Variants in ATP8A2 observed in about 807,000 individuals in gnomAD.
The protein encoded by ATP8A2 is phospholipid-transporting ATPase IB.
In ATP8A2, 100 loss-of-function variants were observed where a neutral mutation model predicts 165.6. That is an observed-to-expected ratio of 0.60 (90% CI 0.51 to 0.71). ATP8A2 has a LOEUF of 0.71. Among genes scored for constraint, ATP8A2 ranks in the 30% least tolerant of loss-of-function variants. The pLI is 0.00. For missense variants in ATP8A2, 1,227 were observed against 1,479.5 expected, an observed-to-expected ratio of 0.83 and a Z score of 2.80; for synonymous variants, 543 against 548.8, an observed-to-expected ratio of 0.99 and a Z score of 0.15.
intron 5 of ATP8A2, among the ~76,000 whole-genome samples, chr13:25,532,884 T>G (rs1211999267): frequency 1.3e-5 from 2 of 152,162 alleles, no homozygotes; most frequent in African/African-American, 4.8e-5. Context: ...CAGGCTAGCC[T>G]CAAACTTCTG....
At chr13:26,012,391 C>T (rs1956867435) in intron 35 of ATP8A2, 140 bp from the exon 36 acceptor site, 1 of 671,858 alleles carries the variant, frequency 1.5e-6, no homozygotes, top group Admixed American at 3.2e-5. Context: ...TGCTGGAAAT[C>T]ACGGGCCGCT....
At chr13:25,479,316 G>A (rs1053639843) in intron 2 of ATP8A2, among the ~76,000 whole-genome samples, 3 of 152,134 alleles carry the variant, frequency 2.0e-5, no homozygotes, top group African/African-American at 7.2e-5. Context: ...TATTTTGAAT[G>A]CTTTTGGCCG....
intron 2 of ATP8A2, among the ~76,000 whole-genome samples, chr13:25,516,239 T>G (rs1261521331): frequency 6.6e-6 from 1 of 152,102 alleles, no homozygotes; most frequent in African/African-American, 2.4e-5. Context: ...CCTTGGGAAG[T>G]GTCTTTTCTG....
rs116536927 is a variant in ATP8A2 at position 25,825,985 on chromosome 13, C to T, written c.2680-2133C>T. ...GTGATGGTCAAAGGGTACAAAGTCT[C>T]GGACAGGAGGAATAAGTTGTTTGGG... is the stretch of plus-strand genomic sequence containing the variant. On this transcript the variant is annotated intron_variant, in intron 27 of 36. Coordinates refer to ENST00000381655, the MANE Select transcript of ATP8A2 (RefSeq NM_016529.6). 1.4e-3 allele frequency among the ~76,000 whole-genome samples: 210 copies of T among 152,114 alleles called. 1 individual carries two copies. The highest frequency in any genetic ancestry group is 5.0e-3 in the African/African-American group (208 of 41,496).
chr13:25,815,295 A>G (rs1950984147), intron 27 of ATP8A2, among the ~76,000 whole-genome samples: 1 of 152,220 alleles, frequency 6.6e-6, no homozygotes, highest in African/African-American at 2.4e-5. Flanking sequence ...TTTGCAAATC[A>G]TATATCCGAT....
At chr13:25,504,310 T>G (rs2036952304) in intron 2 of ATP8A2, among the ~76,000 whole-genome samples, 1 of 152,298 alleles carries the variant, frequency 6.6e-6, no homozygotes, top group South Asian at 2.1e-4. Context: ...CTGATTGGTA[T>G]CCTATTATTT....
intron 1 of ATP8A2, among the ~76,000 whole-genome samples, chr13:25,430,004 C>T (rs55824554): frequency 0.024 from 3,604 of 152,214 alleles, 145 homozygotes; most frequent in African/African-American, 0.082. Context: ...TAGGAGCCAG[C>T]AATCACAGAG....
chr13:25,720,443 T>G (rs1327898091), intron 25 of ATP8A2, among the ~76,000 whole-genome samples: 1 of 152,172 alleles, frequency 6.6e-6, no homozygotes, highest in African/African-American at 2.4e-5. Flanking sequence ...ATTACAGGCA[T>G]GAGCCACTGC....
At chr13:25,735,088 T>A (rs1338691217) in intron 25 of ATP8A2, among the ~76,000 whole-genome samples, 1 of 152,210 alleles carries the variant, frequency 6.6e-6, no homozygotes, top group Non-Finnish European at 1.5e-5. Context: ...TTATTTAATA[T>A]GGTTCCATTC....
chr13:25,649,123 A>ACCTTTTCCAGCTT, intron 24 of ATP8A2: 1 of 450,672 alleles, frequency 2.2e-6, no homozygotes, highest in East Asian at 6.4e-5. Flanking sequence ...TGAGATAACA[A>ACCTTTTCCAGCTT]CCTTTTCCAG....
At chr13:25,392,624 C>T (rs1160126486) in intron 1 of ATP8A2, among the ~76,000 whole-genome samples, 1 of 152,134 alleles carries the variant, frequency 6.6e-6, no homozygotes, top group Non-Finnish European at 1.5e-5. Context: ...ATAAACTAGC[C>T]TTTTATAAAA....
At chr13:25,870,407 C>G (rs1319164378) in intron 33 of ATP8A2, among the ~76,000 whole-genome samples, 1 of 152,166 alleles carries the variant, frequency 6.6e-6, no homozygotes, top group Non-Finnish European at 1.5e-5. Flanking sequence ...GGGGTGGAGC[C>G]CTAGCCAGGG....
Position 26,012,607 on chromosome 13 carries a change from C to G in ATP8A2, c.3454C>G (p.Gln1152Glu). 6.7e-7 allele frequency: 1 copy of G among 1,498,650 alleles called. No homozygotes were observed. The highest frequency in any genetic ancestry group is 8.9e-7 in the Non-Finnish European group (1 of 1,124,260). The allele number at this position is 1,498,650 out of a possible 1,614,324, so 92.8% of individuals were successfully genotyped here. Residue 1152 changes from glutamine (Q) to glutamate (E), a missense_variant, in exon 36 of 37, where the codon CAG (glutamine) becomes GAG (glutamate). Gln to Glu is a conservative substitution (Grantham distance 29, BLOSUM62 2). This residue lies in a region of ATP8A2 where 260 missense variants were observed against 245.1 expected (regional missense o/e 1.06). Transcript: ENST00000381655. ...PPTLFRGSSL[Q>E]QGVPHGYAFS... ...GACGCTGTTCCGGGGCAGCTCCCTG[C>G]AGCAGGGCGTCCCGCGTGAGTACCG...
At chr13:25,693,276 A>C (rs1415848543) in intron 24 of ATP8A2, among the ~76,000 whole-genome samples, 1 of 152,222 alleles carries the variant, frequency 6.6e-6, no homozygotes, top group East Asian at 1.9e-4. Flanking sequence ...TTGTGATAGT[A>C]ATACCTTCAA....
At chr13:25,396,920 G>C (rs1049185254) in intron 1 of ATP8A2, among the ~76,000 whole-genome samples, 2 of 152,182 alleles carry the variant, frequency 1.3e-5, no homozygotes, top group Admixed American at 1.3e-4. Context: ...ATTACTCACA[G>C]ATAGGCAGCA....
chr13:25,736,247 C>T, intron 25 of ATP8A2, among the ~76,000 whole-genome samples: 1 of 152,064 alleles, frequency 6.6e-6, no homozygotes, highest in South Asian at 2.1e-4. Context: ...GACTACATTC[C>T]AAGGGTGAAA....
intron 24 of ATP8A2, among the ~76,000 whole-genome samples, chr13:25,682,568 AG>A (rs1480688104): frequency 6.6e-6 from 1 of 152,128 alleles, no homozygotes; most frequent in Non-Finnish European, 1.5e-5. Context: ...ACTCTCTGGA[AG>A]GCTTCTCTGC....
intron 25 of ATP8A2, chr13:25,705,174 T>A (rs753380743): frequency 4.3e-5 from 19 of 439,442 alleles, no homozygotes; most frequent in Non-Finnish European, 8.2e-5. Context: ...TCTTTATTTT[T>A]GTCCAAATGG....
chr13:25,427,970 G>A (rs567207242), intron 1 of ATP8A2, among the ~76,000 whole-genome samples: 45 of 152,192 alleles, frequency 3.0e-4, no homozygotes, highest in Non-Finnish European at 6.0e-4. Context: ...GCGGAGGAGA[G>A]CAGATCACTT....
Sources: gnomAD v4.1 joint callset for allele counts (sites outside exome capture counted in the v4.1 genomes callset) on GRCh38, gnomAD v4.1.1 for gene constraint, gnomAD v4.1.1 regional missense constraint, MANE v1.5 for transcripts, NCBI Gene and HGNC (gene_info 2026-07-23, HGNC 2026-07-21) for gene names.